ADCY9: variants seen among roughly 807,000 people sequenced by gnomAD.
ADCY9 encodes adenylate cyclase type 9.
ADCY9 carries 50 observed loss-of-function variants against 101.5 expected under a neutral mutation model. That is an observed-to-expected ratio of 0.49 (90% CI 0.39 to 0.62). The LOEUF (loss-of-function observed/expected upper bound fraction) is 0.62. ADCY9 is among the 20% of genes least tolerant of loss of function. ADCY9 has a pLI of 0.00. For missense variants in ADCY9, 1,662 were observed against 1,800.4 expected, an observed-to-expected ratio of 0.92 and a Z score of 1.39; for synonymous variants, 905 against 769.3, an observed-to-expected ratio of 1.18 and a Z score of -2.92.
intron 3 of ADCY9, among the ~76,000 whole-genome samples, chr16:3,998,741 G>A (rs866966892): frequency 0.014 from 656 of 46,326 alleles, 7 homozygotes; most frequent in African/African-American, 0.024. Flanking sequence ...AAAAAGAAAA[G>A]AAAGAAAGAA....
chr16:3,956,790 C>T (rs937651636), intron 5 of ADCY9, among the ~76,000 whole-genome samples: 1 of 151,920 alleles, frequency 6.6e-6, no homozygotes, highest in Non-Finnish European at 1.5e-5. Context: ...CCACCGTGCC[C>T]GGCCAGCAAT....
chr16:4,087,275 C>A (rs2056945029), intron 2 of ADCY9, among the ~76,000 whole-genome samples: 1 of 151,952 alleles, frequency 6.6e-6, no homozygotes, highest in Admixed American at 6.6e-5. Context: ...TGGCTCACGT[C>A]TGTCATCCCA....
intron 2 of ADCY9, among the ~76,000 whole-genome samples, chr16:4,106,370 C>G (rs928383576): frequency 1.1e-4 from 17 of 152,266 alleles, no homozygotes; most frequent in Admixed American, 8.5e-4. Context: ...CCACATCCAC[C>G]CTCTGATGCA....
intron 6 of ADCY9, among the ~76,000 whole-genome samples, chr16:3,985,488 G>A (rs1373122596): frequency 6.6e-6 from 1 of 152,216 alleles, no homozygotes; most frequent in Non-Finnish European, 1.5e-5. Flanking sequence ...CCTTGGCAGA[G>A]GCCCACGCAC....
Position 3,964,674 on chromosome 16 carries a change from C to T in ADCY9, c.*1101G>A, listed in dbSNP as rs1216240761. 1 of 152,956 alleles carries T rather than the reference C, an allele frequency of 6.5e-6. No individual in the cohort carries two copies. 9.5% of individuals were successfully genotyped at this position (152,956 alleles called of 1,614,324 possible). A position where few individuals can be genotyped will look rare whatever the true frequency, so the allele number is the denominator to read the frequency against. On this transcript the variant is annotated 3_prime_UTR_variant, in exon 11 of 11. Coordinates refer to ENST00000294016, the MANE Select transcript of ADCY9 (RefSeq NM_001116.4). ...GGTGGCAGGGGCAGCTGGTGGGCTTCTCCTATTCCCCTAGCCTCAGAATTG... is the reference window on the plus strand; with the variant it reads ...GGTGGCAGGGGCAGCTGGTGGGCTTTTCCTATTCCCCTAGCCTCAGAATTG...
At chr16:4,100,759 GA>G (rs1466967306) in intron 2 of ADCY9, among the ~76,000 whole-genome samples, 2 of 123,954 alleles carry the variant, frequency 1.6e-5, no homozygotes, top group African/African-American at 5.5e-5. Flanking sequence ...AAAAAAAAAA[GA>G]AAAGAAAAAA....
At chr16:4,047,580 C>T (rs1303809679) in intron 2 of ADCY9, among the ~76,000 whole-genome samples, 2 of 152,080 alleles carry the variant, frequency 1.3e-5, no homozygotes, top group Non-Finnish European at 2.9e-5. Flanking sequence ...GGTATTCGTT[C>T]AAGATGGAAA....
chr16:4,095,059 A>G (rs1465499171), intron 2 of ADCY9, among the ~76,000 whole-genome samples: 2 of 147,146 alleles, frequency 1.4e-5, no homozygotes, highest in East Asian at 2.0e-4. Flanking sequence ...CTGGAGTGCA[A>G]TGGCGCAATC....
chr16:4,020,007 G>A (rs1218248253), intron 2 of ADCY9, among the ~76,000 whole-genome samples: 1 of 152,104 alleles, frequency 6.6e-6, no homozygotes, highest in Non-Finnish European at 1.5e-5. Flanking sequence ...GAACCCAGTG[G>A]GTGAAGGCTG....
chr16:3,995,524 G>A (rs1048654474), intron 3 of ADCY9, among the ~76,000 whole-genome samples: 1 of 152,054 alleles, frequency 6.6e-6, no homozygotes, highest in African/African-American at 2.4e-5. Flanking sequence ...TATTATTAAT[G>A]TGACCAGGTA....
downstream of ADCY9, among the ~76,000 whole-genome samples, chr16:3,958,214 G>A (rs571940202): frequency 1.3e-5 from 2 of 152,098 alleles, no homozygotes; most frequent in African/African-American, 2.4e-5. Context: ...CTCCCGCCAG[G>A]ACCCCAAACA....
At chr16:4,068,403 T>G (rs1250453266) in intron 2 of ADCY9, among the ~76,000 whole-genome samples, 1 of 152,118 alleles carries the variant, frequency 6.6e-6, no homozygotes, top group Non-Finnish European at 1.5e-5. Flanking sequence ...ATATATAAAT[T>G]TGTATATATC....
chr16:3,974,403 G>A (rs2056077140), intron 10 of ADCY9, among the ~76,000 whole-genome samples: 1 of 152,192 alleles, frequency 6.6e-6, no homozygotes, highest in Admixed American at 6.5e-5. Flanking sequence ...TGATTTGCGA[G>A]ATTTCCTTTG....
intron 2 of ADCY9, among the ~76,000 whole-genome samples, chr16:4,102,257 T>C (rs1238425866): frequency 1.3e-5 from 2 of 152,112 alleles, no homozygotes; most frequent in Admixed American, 6.6e-5. Flanking sequence ...ATCATTCCTA[T>C]AAATTGCAGC....
At chr16:4,009,261 T>A (rs1206990810) in intron 2 of ADCY9, among the ~76,000 whole-genome samples, 1 of 151,720 alleles carries the variant, frequency 6.6e-6, no homozygotes, top group Non-Finnish European at 1.5e-5. Context: ...ATGTTTTGTT[T>A]TGTTTTGTTT....
At chr16:3,960,783 C>T (rs1170726340), downstream of ADCY9, among the ~76,000 whole-genome samples, 1 of 152,080 alleles carries the variant, frequency 6.6e-6, no homozygotes, top group Admixed American at 6.6e-5. Context: ...TTAAATTACT[C>T]TAATATTCAT....
chr16:3,974,382 A>G (rs2056076914), intron 10 of ADCY9, among the ~76,000 whole-genome samples: 1 of 152,226 alleles, frequency 6.6e-6, no homozygotes, highest in African/African-American at 2.4e-5. Flanking sequence ...TTACAAAATA[A>G]CTTTTTTCTT....
chr16:4,014,221 A>G (rs560400859), intron 2 of ADCY9, among the ~76,000 whole-genome samples: 1 of 151,496 alleles, frequency 6.6e-6, no homozygotes. Context: ...CAGGAGGTTG[A>G]GGCAGGAGAA....
At chr16:3,960,824 A>G (rs187330306), downstream of ADCY9, among the ~76,000 whole-genome samples, 3 of 152,298 alleles carry the variant, frequency 2.0e-5, no homozygotes, top group Admixed American at 2.0e-4. Context: ...GATATTTAAA[A>G]AAACAATTTT....
Sources: allele counts gnomAD v4.1 joint callset (sites outside exome capture counted in the v4.1 genomes callset), GRCh38; gene constraint gnomAD v4.1.1; transcripts MANE v1.5; gene names NCBI Gene and HGNC (gene_info 2026-07-23, HGNC 2026-07-21).